Variants in CFAP299 observed in about 807,000 individuals in gnomAD.
The protein encoded by CFAP299 is cilia- and flagella-associated protein 299.
In CFAP299, 21 loss-of-function variants were observed where a neutral mutation model predicts 27.0. That is an observed-to-expected ratio of 0.78 (90% CI 0.55 to 1.12). The LOEUF is 1.12. CFAP299 is among the 50% of genes most tolerant of loss of function. The pLI is 0.00. For missense variants in CFAP299, 310 were observed against 276.6 expected (o/e 1.12, Z -0.86); for synonymous variants, 104 against 98.1 (o/e 1.06, Z -0.36).
intron 3 of CFAP299, among the ~76,000 whole-genome samples, chr4:80,745,522 G>A (rs1724533578): frequency 6.6e-6 from 1 of 151,992 alleles, no homozygotes; most frequent in Non-Finnish European, 1.5e-5. Flanking sequence ...AAATTTCAGA[G>A]TAGTTTTTTT....
intron 2 of CFAP299, among the ~76,000 whole-genome samples, chr4:80,439,216 G>A (rs911027735): frequency 2.0e-5 from 3 of 152,178 alleles, no homozygotes; most frequent in African/African-American, 7.2e-5. Flanking sequence ...GGAATCTTTA[G>A]TTTGTTGCTT....
intron 3 of CFAP299, among the ~76,000 whole-genome samples, chr4:80,821,246 A>C (rs895363404): frequency 1.3e-5 from 2 of 152,244 alleles, no homozygotes; most frequent in African/African-American, 4.8e-5. Context: ...TTAGAAATTC[A>C]TCACAGAACA....
intron 2 of CFAP299, among the ~76,000 whole-genome samples, chr4:80,549,115 G>A (rs530823845): frequency 2.6e-5 from 4 of 152,094 alleles, no homozygotes; most frequent in African/African-American, 9.6e-5. Flanking sequence ...TGTGATTTTT[G>A]TATTTTTTCT....
At chr4:80,720,894 T>C (rs559054845) in intron 3 of CFAP299, among the ~76,000 whole-genome samples, 4 of 152,092 alleles carry the variant, frequency 2.6e-5, no homozygotes, top group Admixed American at 6.5e-5. Flanking sequence ...AAAGTCTAAA[T>C]GTGGCAAGTA....
chr4:80,855,303 G>A (rs928075225), intron 3 of CFAP299, among the ~76,000 whole-genome samples: 12 of 152,048 alleles, frequency 7.9e-5, no homozygotes, highest in African/African-American at 2.7e-4. Context: ...GATATATGAT[G>A]TAATTATTGT....
chr4:80,962,196 G>A (rs1445391013), intron 5 of CFAP299, among the ~76,000 whole-genome samples: 1 of 151,886 alleles, frequency 6.6e-6, no homozygotes, highest in Non-Finnish European at 1.5e-5. Flanking sequence ...AATTTTTAAA[G>A]GGGTGTAAAT....
the CFAP299 span, among the ~76,000 whole-genome samples, chr4:80,323,660 G>A: frequency 6.6e-6 from 1 of 151,864 alleles, no homozygotes; most frequent in Non-Finnish European, 1.5e-5. Flanking sequence ...ATATTATAAT[G>A]GTTAATAAAT....
At chr4:80,858,144 A>G (rs1196382924) in intron 3 of CFAP299, among the ~76,000 whole-genome samples, 1 of 152,166 alleles carries the variant, frequency 6.6e-6, no homozygotes, top group Non-Finnish European at 1.5e-5. Flanking sequence ...GGGAGAGTGT[A>G]TGTGTCGAGG....
At chr4:80,707,030 G>A (rs1302198385) in intron 3 of CFAP299, among the ~76,000 whole-genome samples, 5 of 151,914 alleles carry the variant, frequency 3.3e-5, no homozygotes, top group Non-Finnish European at 7.4e-5. Context: ...TTGGATTCTT[G>A]TATCCTCTTA....
At chr4:80,800,240 T>G (rs185765755) in intron 3 of CFAP299, among the ~76,000 whole-genome samples, 1 of 67,082 alleles carries the variant, frequency 1.5e-5, no homozygotes, top group East Asian at 5.1e-4. Flanking sequence ...ATAAATAATA[T>G]AATATATAAT....
intron 3 of CFAP299, among the ~76,000 whole-genome samples, chr4:80,776,280 T>C (rs1401599009): frequency 2.0e-5 from 3 of 152,132 alleles, no homozygotes; most frequent in Non-Finnish European, 4.4e-5. Context: ...TTCACTACAG[T>C]GTCAGGCCAT....
rs555354316 is a variant in CFAP299 at position 80,347,397 on chromosome 4, C to T, written c.111+11518C>T. Among the ~76,000 whole-genome samples the T allele has an allele frequency of 4.6e-5, 7 of 151,958 alleles. No individual in the cohort carries two copies. The South Asian group carries it at 1.5e-3, about 32-fold the overall frequency. On this transcript the variant is annotated intron_variant, in intron 1 of 5. Transcript: ENST00000358105. Reference sequence around the variant, plus strand: ...CCAGTATTTTCCCATTCAGTACAGCCCACAGTTTCTTAAGCTGATATGCAA... The same window carrying T: ...CCAGTATTTTCCCATTCAGTACAGCTCACAGTTTCTTAAGCTGATATGCAA...
chr4:80,620,219 A>T (rs923393360), intron 3 of CFAP299, among the ~76,000 whole-genome samples: 1 of 152,156 alleles, frequency 6.6e-6, no homozygotes, highest in Non-Finnish European at 1.5e-5. Context: ...CAGTGGATTT[A>T]TAGACACAAC....
At chr4:80,710,973 G>A (rs1411481862) in intron 3 of CFAP299, among the ~76,000 whole-genome samples, 1 of 152,128 alleles carries the variant, frequency 6.6e-6, no homozygotes, top group African/African-American at 2.4e-5. Flanking sequence ...AGCGAGTTTA[G>A]AGCACAGGCG....
intron 2 of CFAP299, among the ~76,000 whole-genome samples, chr4:80,495,957 C>A (rs1731416122): frequency 6.6e-6 from 1 of 152,200 alleles, no homozygotes; most frequent in African/African-American, 2.4e-5. Flanking sequence ...AGCAGTGGGC[C>A]CTGGGCCTGA....
intron 3 of CFAP299, among the ~76,000 whole-genome samples, chr4:80,841,326 T>A (rs1175320618): frequency 1.3e-5 from 2 of 152,060 alleles, no homozygotes; most frequent in Non-Finnish European, 2.9e-5. Context: ...TAGGAGAGAA[T>A]AACAACCTGT....
intron 5 of CFAP299, among the ~76,000 whole-genome samples, chr4:80,957,910 CA>C (rs1202136372): frequency 2.0e-5 from 3 of 152,108 alleles, no homozygotes; most frequent in Non-Finnish European, 4.4e-5. Context: ...ATAGGTATCT[CA>C]AAAGTGTTAT....
intron 3 of CFAP299, among the ~76,000 whole-genome samples, chr4:80,604,213 C>T (rs80093436): frequency 0.043 from 6,509 of 152,024 alleles, 433 homozygotes; most frequent in African/African-American, 0.14. Context: ...AGCTGGATTT[C>T]GGGGAGAGGA....
In CFAP299 at chr4:80,955,016, A is replaced by C. The variant is rs940058729; in HGVS notation, c.607-8501A>C. 5.8e-3 allele frequency among the ~76,000 whole-genome samples: 809 copies of C among 139,818 alleles called. 77 individuals are homozygous for C. The highest frequency in any genetic ancestry group is 0.017 in the African/African-American group (613 of 37,024). 91.7% of individuals were successfully genotyped at this position (139,818 alleles called of 152,430 possible). ...CTCCATCAAAAAAAAAAAAAAAAAA[A>C]AAAAAAAAAAAAAAAAAACGCACAC... On this transcript the variant is annotated intron_variant, in intron 5 of 5. Transcript: ENST00000358105.
Sources: allele counts gnomAD v4.1 joint callset (sites outside exome capture counted in the v4.1 genomes callset), GRCh38; gene constraint gnomAD v4.1.1; transcripts MANE v1.5; gene names NCBI Gene and HGNC (gene_info 2026-07-23, HGNC 2026-07-21).